ZCCHC17: variants seen among roughly 807,000 people sequenced by gnomAD.
ZCCHC17 encodes zinc finger CCHC domain-containing protein 17.
In ZCCHC17, 18 loss-of-function variants were observed where a neutral mutation model predicts 30.6. The ratio of observed to expected loss-of-function variants is 0.59; its 90% CI spans 0.41 to 0.87. The LOEUF is 0.87. Ranked by LOEUF, ZCCHC17 falls within the 40% of genes least tolerant of loss-of-function variation. ZCCHC17 has a pLI of 0.00. For missense variants in ZCCHC17, 263 were observed against 284.2 expected (o/e 0.93, Z 0.54); for synonymous variants, 88 against 92.4 (o/e 0.95, Z 0.27).
At chr1:31,319,403 C>G (rs192613460) in intron 3 of ZCCHC17, among the ~76,000 whole-genome samples, 1 of 152,158 alleles carries the variant, frequency 6.6e-6, no homozygotes, top group Non-Finnish European at 1.5e-5. Flanking sequence ...CTGAAACCAG[C>G]TCCTCCTTAG....
At chr1:31,316,367 G>T in intron 2 of ZCCHC17, among the ~76,000 whole-genome samples, 1 of 152,184 alleles carries the variant, frequency 6.6e-6, no homozygotes, top group East Asian at 1.9e-4. Context: ...CTCCCAAAGT[G>T]CTGGGATTAT....
At chr1:31,307,603 T>A (rs1646495912) in intron 1 of ZCCHC17, among the ~76,000 whole-genome samples, 1 of 144,796 alleles carries the variant, frequency 6.9e-6, no homozygotes, top group Non-Finnish European at 1.5e-5. Context: ...GGAGACGGAG[T>A]CTCACTGTGT....
At chr1:31,304,586 A>T (rs1358061753) in intron 1 of ZCCHC17, among the ~76,000 whole-genome samples, 2 of 150,638 alleles carry the variant, frequency 1.3e-5, no homozygotes, top group Admixed American at 6.6e-5. Context: ...TGCCTGGCTC[A>T]ATGTTATATA....
At position 31,339,058 on chromosome 1, in the gene ZCCHC17, A is replaced by C; in HGVS notation, c.317+10A>C. On this transcript the variant is annotated intron_variant, in intron 5 of 7. Coordinates refer to ENST00000344147, the MANE Select transcript of ZCCHC17 (RefSeq NM_016505.4). ...ACAATGTTATCATTGAGTAAGTAAA[A>C]GGTTTGGAAAGGTGAAAATTCTTCT... The C allele has an allele frequency of 6.3e-7, 1 of 1,584,160 alleles. No homozygotes were observed. The highest frequency in any genetic ancestry group is 8.6e-7 in the Non-Finnish European group (1 of 1,167,184).
intron 3 of ZCCHC17, among the ~76,000 whole-genome samples, chr1:31,329,499 A>G (rs1469836975): frequency 2.0e-5 from 3 of 152,216 alleles, no homozygotes; most frequent in African/African-American, 4.8e-5. Context: ...GCAAATAATT[A>G]TTGAGTTCTA....
chr1:31,337,551 A>G (rs367563101), intron 4 of ZCCHC17, among the ~76,000 whole-genome samples: 2 of 152,214 alleles, frequency 1.3e-5, no homozygotes, highest in African/African-American at 4.8e-5. Flanking sequence ...CGGAGGAGAG[A>G]AAAAAGAACC....
At chr1:31,363,445 A>G (rs904877742) in intron 7 of ZCCHC17, among the ~76,000 whole-genome samples, 2 of 152,082 alleles carry the variant, frequency 1.3e-5, no homozygotes, top group African/African-American at 4.8e-5. Flanking sequence ...GGCCTCCCAA[A>G]GTGCTGGGAT....
At chr1:31,317,547 T>C (rs550257053) in intron 2 of ZCCHC17, among the ~76,000 whole-genome samples, 2 of 152,196 alleles carry the variant, frequency 1.3e-5, no homozygotes, top group Non-Finnish European at 2.9e-5. Flanking sequence ...TGCAAGATCC[T>C]ACAGGTGGGA....
intron 7 of ZCCHC17, among the ~76,000 whole-genome samples, chr1:31,351,714 T>C (rs924446662): frequency 6.6e-6 from 1 of 152,046 alleles, no homozygotes; most frequent in African/African-American, 2.4e-5. Context: ...TGCGCTCCTG[T>C]CCGGGCAACA....
chr1:31,328,073 G>A (rs1638428910), intron 3 of ZCCHC17, among the ~76,000 whole-genome samples: 1 of 152,206 alleles, frequency 6.6e-6, no homozygotes, highest in Non-Finnish European at 1.5e-5. Context: ...AATCTTCTGT[G>A]TGTGAAATTG....
At chr1:31,323,854 T>C (rs1646919919) in intron 3 of ZCCHC17, among the ~76,000 whole-genome samples, 1 of 152,240 alleles carries the variant, frequency 6.6e-6, no homozygotes, top group African/African-American at 2.4e-5. Context: ...CAATGCCTAT[T>C]AACATCTTTT....
chr1:31,340,096 A>G (rs893000632), intron 5 of ZCCHC17, among the ~76,000 whole-genome samples: 1 of 148,854 alleles, frequency 6.7e-6, no homozygotes, highest in African/African-American at 2.5e-5. Context: ...AGCTGGGACT[A>G]CAGGCATGCG....
intron 7 of ZCCHC17, among the ~76,000 whole-genome samples, chr1:31,357,304 C>G (rs920491712): frequency 2.1e-4 from 31 of 144,206 alleles, no homozygotes; most frequent in African/African-American, 9.2e-4. Context: ...TATTCAGATA[C>G]AGCAGAGAGC....
chr1:31,299,058 G>A (rs1008887566), intron 1 of ZCCHC17, among the ~76,000 whole-genome samples: 7 of 152,216 alleles, frequency 4.6e-5, no homozygotes, highest in African/African-American at 1.7e-4. Flanking sequence ...AGTAACCTTA[G>A]CAAGAGTTAT....
chr1:31,330,477 C>T (rs981363826), intron 3 of ZCCHC17, among the ~76,000 whole-genome samples: 3 of 152,108 alleles, frequency 2.0e-5, no homozygotes, highest in Non-Finnish European at 4.4e-5. Flanking sequence ...TTTGGTGTAG[C>T]GTGGGAAGCA....
chr1:31,318,790 G>A (rs190999593), intron 2 of ZCCHC17, among the ~76,000 whole-genome samples: 43 of 152,186 alleles, frequency 2.8e-4, no homozygotes, highest in African/African-American at 9.4e-4. Flanking sequence ...AACTCCTCTG[G>A]TAATATCAAT....
chr1:31,298,319 T>G (rs565493365), intron 1 of ZCCHC17, among the ~76,000 whole-genome samples: 1 of 152,202 alleles, frequency 6.6e-6, no homozygotes, highest in South Asian at 2.1e-4. Flanking sequence ...TACCATTCAC[T>G]CACTATCACG....
At chr1:31,339,152 TG>T in intron 5 of ZCCHC17, 104 bp downstream of exon 5, 1 of 810,446 alleles carries the variant, frequency 1.2e-6, no homozygotes, top group Non-Finnish European at 1.9e-6. Flanking sequence ...ATGGACTTTG[TG>T]ATATTGATAA....
intron 7 of ZCCHC17, among the ~76,000 whole-genome samples, chr1:31,357,645 T>C (rs1057193098): frequency 2.0e-5 from 3 of 152,162 alleles, no homozygotes; most frequent in Non-Finnish European, 4.4e-5. Context: ...TATCAAGTAG[T>C]GATAAGTGCT....
Sources: gnomAD v4.1 joint callset for allele counts (sites outside exome capture counted in the v4.1 genomes callset) on GRCh38, gnomAD v4.1.1 for gene constraint, MANE v1.5 for transcripts, NCBI Gene and HGNC (gene_info 2026-07-23, HGNC 2026-07-21) for gene names.